The following SAMD4A variants were observed in gnomAD, a reference collection of about 807,000 sequenced individuals.
SAMD4A encodes protein Smaug homolog 1.
Under a neutral mutation model 81.3 loss-of-function variants are expected in SAMD4A, and 33 were observed. The observed-to-expected ratio is 0.41, with a 90% CI of 0.31 to 0.54. The LOEUF is 0.54. Among genes scored for constraint, SAMD4A ranks in the 20% least tolerant of loss-of-function variants. The pLI, the probability that SAMD4A is intolerant of heterozygous loss-of-function variation, is 0.37. For synonymous variants in SAMD4A, 389 were observed against 382.1 expected (o/e 1.02, Z -0.21); for missense variants, 854 against 951.1 (o/e 0.90, Z 1.34).
intron 2 of SAMD4A, among the ~76,000 whole-genome samples, chr14:54,646,833 C>T (rs928645107): frequency 6.6e-6 from 1 of 152,124 alleles, no homozygotes; most frequent in Non-Finnish European, 1.5e-5. Context: ...GTATCCTGCC[C>T]GTTTAACCAC....
rs1381704348 is a variant in SAMD4A at position 54,759,720 on chromosome 14, C to T, written c.1177-441C>T. ...TGCTCTTAATCGCTACCCTGTGCTGCGTGTGCCATGGACTGAGTGATGGTG... is the reference window on the plus strand; with the variant it reads ...TGCTCTTAATCGCTACCCTGTGCTGTGTGTGCCATGGACTGAGTGATGGTG... On this transcript the variant is annotated intron_variant, in intron 6 of 12. Coordinates refer to ENST00000554335, the MANE Select transcript of SAMD4A (RefSeq NM_015589.6). Among the ~76,000 whole-genome samples the T allele has an allele frequency of 2.6e-5, 4 of 152,216 alleles. No individual in the cohort carries two copies. In the South Asian group the frequency reaches 6.2e-4, roughly 24 times the overall value.
upstream of SAMD4A, among the ~76,000 whole-genome samples, chr14:54,565,854 C>A (rs2032912636): frequency 6.6e-6 from 1 of 152,008 alleles, no homozygotes; most frequent in Non-Finnish European, 1.5e-5. This position sits in a 1 kb window ranked among gnomAD's most constrained non-coding sequence, Gnocchi z 5.4. Context: ...TCGTTCCTCT[C>A]GGAGGTTCCT....
chr14:54,647,508 G>C (rs2035311673), intron 2 of SAMD4A, among the ~76,000 whole-genome samples: 1 of 152,116 alleles, frequency 6.6e-6, no homozygotes, highest in Admixed American at 6.5e-5. Flanking sequence ...ATTCAATATT[G>C]GTTCTGCCCC....
At chr14:54,664,556 T>C (rs1012335423) in intron 2 of SAMD4A, among the ~76,000 whole-genome samples, 2 of 152,034 alleles carry the variant, frequency 1.3e-5, no homozygotes, top group African/African-American at 4.8e-5. Context: ...TTCTCACAAA[T>C]GCACTTCCTC....
chr14:54,695,973 A>G lies in SAMD4A; in HGVS notation c.197-6089A>G, dbSNP rs2036567646. On this transcript the variant is annotated intron_variant, in intron 2 of 12. Transcript: ENST00000554335. ...TCTCAGAAAAAAAAAAAAAAAAAAAAGAAAAAGAAAATAGGGGGAGGGTTT... is the reference window on the plus strand; with the variant it reads ...TCTCAGAAAAAAAAAAAAAAAAAAAGGAAAAAGAAAATAGGGGGAGGGTTT... 2.8e-5 allele frequency among the ~76,000 whole-genome samples: 4 copies of G among 144,026 alleles called. No homozygotes were observed. The South Asian group carries it at 8.9e-4, about 32-fold the overall frequency. 94.5% of individuals were successfully genotyped at this position (144,026 alleles called of 152,430 possible).
intron 2 of SAMD4A, among the ~76,000 whole-genome samples, chr14:54,630,323 T>A (rs887034664): frequency 1.3e-5 from 2 of 152,216 alleles, no homozygotes; most frequent in African/African-American, 4.8e-5. Flanking sequence ...AATTTCTCCA[T>A]ATCCTTGCCA....
chr14:54,667,157 T>C (rs2035775298), intron 2 of SAMD4A, among the ~76,000 whole-genome samples: 1 of 152,186 alleles, frequency 6.6e-6, no homozygotes, highest in Admixed American at 6.5e-5. Flanking sequence ...TAGGTCAGCT[T>C]GTGAGGGCTG....
At chr14:54,762,212 C>A (rs1353390957) in intron 7 of SAMD4A, among the ~76,000 whole-genome samples, 2 of 152,158 alleles carry the variant, frequency 1.3e-5, no homozygotes, top group African/African-American at 4.8e-5. Context: ...AAAATGTCCA[C>A]CAGTAGAATA....
chr14:54,588,381 T>C (rs2140171750), intron 2 of SAMD4A, among the ~76,000 whole-genome samples: 1 of 152,192 alleles, frequency 6.6e-6, no homozygotes, highest in African/African-American at 2.4e-5. Flanking sequence ...GTTTTAATTT[T>C]ATTTAGTTCT....
chr14:54,714,693 T>C (rs1217078851), intron 3 of SAMD4A, among the ~76,000 whole-genome samples: 1 of 152,186 alleles, frequency 6.6e-6, no homozygotes, highest in Non-Finnish European at 1.5e-5. Flanking sequence ...AAATGAGAAA[T>C]GTGTGTAAAG....
In SAMD4A at chr14:54,751,448, C is replaced by T. The variant is rs754210358; in HGVS notation, c.1090-3C>T. On this transcript the variant is annotated splice_polypyrimidine_tract_variant and splice_region_variant and intron_variant, in intron 5 of 12. Transcript: ENST00000554335. The stretch of plus-strand genomic sequence containing the variant: ...TTAAATGTAACTTGTTATTTAATTA[C>T]AGAATGTTACCAAAGGTGCAAGACA... The T allele has an allele frequency of 8.5e-6, 13 of 1,538,338 alleles. No homozygotes were observed. Among genetic ancestry groups the T allele is most frequent in the African/African-American group, 1.4e-5 (1 of 72,510 alleles).
intron 3 of SAMD4A, among the ~76,000 whole-genome samples, chr14:54,704,476 G>A (rs1374863097): frequency 1.3e-5 from 2 of 152,178 alleles, no homozygotes; most frequent in Non-Finnish European, 2.9e-5. Flanking sequence ...TCAGGATCAG[G>A]TCTTGACATT....
intron 5 of SAMD4A, among the ~76,000 whole-genome samples, chr14:54,750,148 T>C (rs1038007690): frequency 1.3e-5 from 2 of 152,194 alleles, no homozygotes; most frequent in East Asian, 3.9e-4. Flanking sequence ...ATCTAAGTCA[T>C]CAGTTGTTCG....
chr14:54,737,101 C>T lies in SAMD4A; in HGVS notation c.793C>T (p.Pro265Ser). The change falls in exon 4 of 13, where the codon CCT becomes TCT. Residue 265 changes from proline to serine, a missense_variant. This residue lies in a region of SAMD4A where 387 missense variants were observed against 405.8 expected (regional missense o/e 0.95). Transcript: ENST00000554335. ...LTPPMNVPNQ[P>S]LGHGWMSHED... is the part of the protein sequence containing the mutation. ...CCCACCCATGAATGTGCCAAACCAG[C>T]CTCTAGGACATGGATGGATGTCTCA... The T allele has an allele frequency of 6.2e-7, 1 of 1,614,090 alleles. No individual in the cohort carries two copies. Among genetic ancestry groups the T allele is most frequent in the Non-Finnish European group, 8.5e-7 (1 of 1,180,008 alleles).
chr14:54,702,029 T>A (rs780041175), intron 2 of SAMD4A, 33 bp from the exon 3 acceptor site: 3 of 1,604,248 alleles, frequency 1.9e-6, no homozygotes, highest in Non-Finnish European at 2.6e-6. Context: ...GTGGGTGTAT[T>A]TGCTTATTTG....
At chr14:54,737,542 CTTTTT>C (rs758410575) in intron 4 of SAMD4A, among the ~76,000 whole-genome samples, 1 of 85,448 alleles carries the variant, frequency 1.2e-5, no homozygotes. Context: ...CTCTCTCTCT[CTTTTT>C]TTTTTTTTTT....
intron 2 of SAMD4A, chr14:54,682,032 A>G: frequency 1.0e-6 from 1 of 985,360 alleles, no homozygotes; most frequent in South Asian, 4.7e-5. Flanking sequence ...AGTGTTAAGG[A>G]TGAATATTAT....
At chr14:54,622,947 C>G (rs967931453) in intron 2 of SAMD4A, among the ~76,000 whole-genome samples, 36 of 152,192 alleles carry the variant, frequency 2.4e-4, no homozygotes, top group Non-Finnish European at 5.9e-5. Flanking sequence ...CCATCTTAGG[C>G]CGATCGGTCT....
chr14:54,723,334 G>A (rs2037312033), intron 3 of SAMD4A, among the ~76,000 whole-genome samples: 1 of 152,112 alleles, frequency 6.6e-6, no homozygotes, highest in Non-Finnish European at 1.5e-5. Context: ...TTTAGTTATA[G>A]GGAATCTTTA....
Sources: gnomAD v4.1 joint callset for allele counts (sites outside exome capture counted in the v4.1 genomes callset) on GRCh38, gnomAD v4.1.1 for gene constraint, gnomAD v4.1.1 regional missense constraint, Gnocchi (gnomAD v3.1) non-coding constraint, MANE v1.5 for transcripts, NCBI Gene and HGNC (gene_info 2026-07-23, HGNC 2026-07-21) for gene names.